Variants in R3HDM2 observed in about 807,000 individuals in gnomAD.
R3HDM2 encodes R3H domain-containing protein 2.
A neutral mutation model predicts 124.5 loss-of-function variants in R3HDM2; 38 were observed. The observed-to-expected ratio is 0.31, with a 90% CI of 0.24 to 0.40. R3HDM2 has a LOEUF of 0.40. Among genes scored for constraint, R3HDM2 ranks in the 10% least tolerant of loss-of-function variants. R3HDM2 has a pLI of 1.00. For synonymous variants in R3HDM2, 391 were observed against 448.0 expected, an observed-to-expected ratio of 0.87 and a Z score of 1.61; for missense variants, 869 against 1,236.9, an observed-to-expected ratio of 0.70 and a Z score of 4.46.
chr12:57,321,782 C>T (rs2056496264), intron 2 of R3HDM2, among the ~76,000 whole-genome samples: 1 of 152,126 alleles, frequency 6.6e-6, no homozygotes, highest in Non-Finnish European at 1.5e-5. Context: ...TTATGTGAAG[C>T]TCAAGAACAA....
intron 19 of R3HDM2, among the ~76,000 whole-genome samples, chr12:57,265,697 C>T (rs558641677): frequency 1.2e-3 from 178 of 151,798 alleles, no homozygotes; most frequent in African/African-American, 4.2e-3. Flanking sequence ...TGCAATGGCA[C>T]GATGCCAGCT....
chr12:57,386,114 T>A (rs917422252), intron 2 of R3HDM2, among the ~76,000 whole-genome samples: 2 of 151,978 alleles, frequency 1.3e-5, no homozygotes, highest in East Asian at 3.9e-4. Flanking sequence ...AAATTTATGT[T>A]AACATGCAAT....
intron 19 of R3HDM2, among the ~76,000 whole-genome samples, chr12:57,263,860 G>A: frequency 6.6e-6 from 1 of 152,162 alleles, no homozygotes; most frequent in East Asian, 1.9e-4. Context: ...ATCCAACATA[G>A]TGACGTACAA....
chr12:57,393,167 G>A lies in R3HDM2; in HGVS notation c.-36+2582C>T, dbSNP rs181725809. Reference sequence around the variant, plus strand: ...CGCCCAGGCTGGAGTGCAATGGTGCGATCTTGGCTCACTGCAACCTCCACC... The same window carrying A: ...CGCCCAGGCTGGAGTGCAATGGTGCAATCTTGGCTCACTGCAACCTCCACC... On this transcript the variant is annotated intron_variant, in intron 2 of 23. Transcript: ENST00000402412. Among the ~76,000 whole-genome samples, 90 of 151,154 alleles carry A rather than the reference G, an allele frequency of 6.0e-4. 1 individual carries two copies. The East Asian group carries it at 0.015, about 25-fold the overall frequency.
At position 57,293,799 on chromosome 12, in the gene R3HDM2, A is replaced by C. The variant is rs573690230; in HGVS notation, c.811-1132T>G. Among the ~76,000 whole-genome samples, 5 of 152,360 alleles carry C rather than the reference A, an allele frequency of 3.3e-5. No individual in the cohort carries two copies. The South Asian group carries it at 6.2e-4, about 19-fold the overall frequency. Reference sequence around the variant, plus strand: ...TCTTTACCAATCTCCAAAGGTAACCATAACTTCAAGAATATCAACCTTGCC... The same window carrying C: ...TCTTTACCAATCTCCAAAGGTAACCCTAACTTCAAGAATATCAACCTTGCC... On this transcript the variant is annotated intron_variant, in intron 10 of 23. Transcript: ENST00000402412.
intron 2 of R3HDM2, among the ~76,000 whole-genome samples, chr12:57,373,677 C>T (rs1443646265): frequency 1.3e-5 from 2 of 151,510 alleles, no homozygotes; most frequent in Non-Finnish European, 2.9e-5. Flanking sequence ...GGGGTGGTGG[C>T]GCATGCCTAT....
At chr12:57,388,728 C>G (rs1256068462) in intron 2 of R3HDM2, among the ~76,000 whole-genome samples, 1 of 152,054 alleles carries the variant, frequency 6.6e-6, no homozygotes, top group Admixed American at 6.5e-5. Flanking sequence ...CTTGGTCCCG[C>G]CAGCCTGACT....
At chr12:57,340,529 G>T (rs1488039038) in intron 2 of R3HDM2, among the ~76,000 whole-genome samples, 1 of 152,032 alleles carries the variant, frequency 6.6e-6, no homozygotes, top group Non-Finnish European at 1.5e-5. Flanking sequence ...CCCAAAAATA[G>T]ATTGTGTTGG....
chr12:57,375,366 G>T lies in R3HDM2; in HGVS notation c.-36+20383C>A, dbSNP rs146968010. Among the ~76,000 whole-genome samples the T allele has an allele frequency of 3.4e-4, 52 of 151,920 alleles. No individual in the cohort carries two copies. In the East Asian group the frequency reaches 9.1e-3, roughly 27 times the overall value. ...TTTATCCTAAGTAAGCAAACAAATG[G>T]TATCGAAAAAAATTCTTGTTCAGTA... On this transcript the variant is annotated intron_variant, in intron 2 of 23. Transcript: ENST00000402412.
At chr12:57,404,176 T>C (rs1198497923) in intron 1 of R3HDM2, among the ~76,000 whole-genome samples, 1 of 144,470 alleles carries the variant, frequency 6.9e-6, no homozygotes, top group African/African-American at 2.5e-5. Context: ...GCGATTCTCC[T>C]GCCTCATCCT....
chr12:57,405,101 C>G (rs2068410240), intron 1 of R3HDM2, among the ~76,000 whole-genome samples: 1 of 152,040 alleles, frequency 6.6e-6, no homozygotes, highest in African/African-American at 2.4e-5. Context: ...GATCATAGCT[C>G]ACTGTAACCT....
At chr12:57,256,239 C>A in intron 22 of R3HDM2, 165 bp from the exon 23 acceptor site, 1 of 876,706 alleles carries the variant, frequency 1.1e-6, no homozygotes, top group South Asian at 1.7e-5. Flanking sequence ...AAGAGCCCCT[C>A]CCTCTTGGCA....
intron 2 of R3HDM2, among the ~76,000 whole-genome samples, chr12:57,333,964 A>G (rs567699401): frequency 5.5e-4 from 84 of 151,936 alleles, no homozygotes; most frequent in South Asian, 1.2e-3. Context: ...GCTTGAACCC[A>G]GGAGGCAGAG....
intron 2 of R3HDM2, among the ~76,000 whole-genome samples, chr12:57,310,878 A>G (rs1056210166): frequency 6.6e-6 from 1 of 152,112 alleles, no homozygotes; most frequent in Non-Finnish European, 1.5e-5. Flanking sequence ...AATGGAATCA[A>G]TCATACACTG....
At chr12:57,312,857 A>T (rs2054198967) in intron 2 of R3HDM2, among the ~76,000 whole-genome samples, 1 of 145,468 alleles carries the variant, frequency 6.9e-6, no homozygotes, top group Non-Finnish European at 1.5e-5. Context: ...TGAACCTCGG[A>T]GGCAGAAGTT....
chr12:57,255,654 C>G (rs1019481837), intron 23 of R3HDM2, among the ~76,000 whole-genome samples: 4 of 152,180 alleles, frequency 2.6e-5, no homozygotes, highest in African/African-American at 9.7e-5. Flanking sequence ...CCCCCATATT[C>G]TCTACCAATC....
At chr12:57,297,454 TG>T in intron 7 of R3HDM2, 67 bp from the exon 8 acceptor site, 1 of 1,013,788 alleles carries the variant, frequency 9.9e-7, no homozygotes. Context: ...ACATTGAAAG[TG>T]GGGATTGAAA....
intron 14 of R3HDM2, among the ~76,000 whole-genome samples, chr12:57,271,148 T>G (rs557853733): frequency 6.3e-4 from 96 of 152,288 alleles, no homozygotes; most frequent in African/African-American, 2.1e-3. Flanking sequence ...GGGCTCCCAC[T>G]CCTGCTGCTT....
chr12:57,281,008 C>T (rs142262024), intron 13 of R3HDM2, among the ~76,000 whole-genome samples: 4 of 152,220 alleles, frequency 2.6e-5, no homozygotes, highest in Admixed American at 1.3e-4. Context: ...GAGGGCCGGG[C>T]GCAGTGGCTC....
Sources: gnomAD v4.1 joint callset for allele counts (sites outside exome capture counted in the v4.1 genomes callset) on GRCh38, gnomAD v4.1.1 for gene constraint, MANE v1.5 for transcripts, NCBI Gene and HGNC (gene_info 2026-07-23, HGNC 2026-07-21) for gene names.